The following PTPRD variants were observed in gnomAD, a reference collection of about 807,000 sequenced individuals.
PTPRD encodes the protein protein tyrosine phosphatase receptor type D.
In PTPRD, 34 loss-of-function variants were observed where a neutral mutation model predicts 214.5. The observed-to-expected ratio is 0.16, with a 90% CI of 0.12 to 0.21. The LOEUF (loss-of-function observed/expected upper bound fraction) is 0.21. Among genes scored for constraint, PTPRD ranks in the 10% least tolerant of loss-of-function variants. The probability of loss-of-function intolerance (pLI) is 1.00; values close to 1 mark genes in which losing one functional copy is unlikely to be tolerated. For missense variants in PTPRD, 2,545 were observed against 2,398.7 expected (o/e 1.06, Z -1.27); for synonymous variants, 1,128 against 845.7 (o/e 1.33, Z -5.79).
intron 3 of PTPRD, among the ~76,000 whole-genome samples, chr9:10,210,811 ATATATATATATGTATGTATGTATG>A (rs2099513086): frequency 1.0e-5 from 1 of 99,320 alleles, no homozygotes. Context: ...ATATATATAT[ATATATATATATGTATGTATGTATG>A]TATGTATAAT....
rs368819833 is a variant in PTPRD, at chr9:8,999,452, T to G, written c.-104+19245A>C. On this transcript the variant is annotated intron_variant, in intron 11 of 45. Coordinates refer to ENST00000381196, the MANE Select transcript of PTPRD (RefSeq NM_002839.4). ...AGCATATTTTAGCAATAAACTATTT[T>G]TAATTAAGATATGTACATTGTTTTT... Among the ~76,000 whole-genome samples, 9 of 152,204 alleles carry G rather than the reference T, an allele frequency of 5.9e-5. No homozygotes were observed. The East Asian group carries it at 1.7e-3, about 30-fold the overall frequency.
At chr9:10,300,845 A>C (rs1477997544) in intron 3 of PTPRD, among the ~76,000 whole-genome samples, 5 of 152,134 alleles carry the variant, frequency 3.3e-5, no homozygotes, top group African/African-American at 4.8e-5. Context: ...CAGCTTCAGC[A>C]GACTTAAACA....
chr9:8,433,781 T>A (rs1332478440), intron 35 of PTPRD, among the ~76,000 whole-genome samples: 1 of 152,178 alleles, frequency 6.6e-6, no homozygotes, highest in African/African-American at 2.4e-5. Flanking sequence ...TACAGTAAGC[T>A]AAGGTTAATC....
intron 11 of PTPRD, among the ~76,000 whole-genome samples, chr9:8,924,475 A>G (rs2098850995): frequency 1.3e-5 from 2 of 152,162 alleles, no homozygotes; most frequent in African/African-American, 4.8e-5. Context: ...AATTTGCGGA[A>G]TTTAGAGTTT....
intron 6 of PTPRD, among the ~76,000 whole-genome samples, chr9:9,741,778 C>G (rs943070584): frequency 6.6e-6 from 1 of 152,200 alleles, no homozygotes; most frequent in Non-Finnish European, 1.5e-5. Flanking sequence ...CTGCAAATGA[C>G]ATGAACTCAT....
At chr9:9,384,068 T>C (rs1377584023) in intron 9 of PTPRD, among the ~76,000 whole-genome samples, 1 of 151,752 alleles carries the variant, frequency 6.6e-6, no homozygotes, top group Non-Finnish European at 1.5e-5. Flanking sequence ...CTATTACTAA[T>C]TATATTGAAT....
intron 33 of PTPRD, among the ~76,000 whole-genome samples, chr9:8,451,166 C>T (rs1460915443): frequency 1.3e-5 from 2 of 152,260 alleles, no homozygotes; most frequent in African/African-American, 2.4e-5. Flanking sequence ...ACAAAGGGGA[C>T]GTGCACATGA....
chr9:8,381,028 TA>T (rs1353120636), intron 37 of PTPRD, among the ~76,000 whole-genome samples: 10 of 152,138 alleles, frequency 6.6e-5, no homozygotes, highest in Non-Finnish European at 2.9e-5. Context: ...ATCCAAAACG[TA>T]TTTGCCACGA....
At chr9:10,191,712 T>C (rs2099364360) in intron 3 of PTPRD, among the ~76,000 whole-genome samples, 2 of 152,314 alleles carry the variant, frequency 1.3e-5, no homozygotes, top group East Asian at 3.9e-4. Context: ...TGATAATCTT[T>C]CTATGATTTC....
intron 8 of PTPRD, among the ~76,000 whole-genome samples, chr9:9,453,148 C>T (rs2092494372): frequency 6.6e-6 from 1 of 151,262 alleles, no homozygotes; most frequent in African/African-American, 2.4e-5. Flanking sequence ...TCAACGCCCC[C>T]CCACACAATG....
At chr9:9,383,071 G>C (rs1282806819) in intron 9 of PTPRD, among the ~76,000 whole-genome samples, 1 of 151,956 alleles carries the variant, frequency 6.6e-6, no homozygotes, top group East Asian at 1.9e-4. Flanking sequence ...ACCAGACTGT[G>C]TTTCTATATT....
intron 7 of PTPRD, among the ~76,000 whole-genome samples, chr9:9,601,138 TG>T (rs1456412049): frequency 1.3e-4 from 16 of 121,180 alleles, no homozygotes; most frequent in East Asian, 4.5e-4. Flanking sequence ...TGTGTGTGTG[TG>T]TGTGTGTGTG....
intron 3 of PTPRD, among the ~76,000 whole-genome samples, chr9:10,047,907 C>G (rs543725293): frequency 6.6e-6 from 1 of 152,250 alleles, no homozygotes; most frequent in African/African-American, 2.4e-5. Context: ...GCTCCTCTCA[C>G]TACCCACCTT....
At chr9:10,573,712 A>G (rs2068214327) in intron 2 of PTPRD, among the ~76,000 whole-genome samples, 1 of 152,156 alleles carries the variant, frequency 6.6e-6, no homozygotes, top group Non-Finnish European at 1.5e-5. Flanking sequence ...AGGAAATAGT[A>G]TTTGTATCTC....
At chr9:10,099,954 G>A (rs746621080) in intron 3 of PTPRD, among the ~76,000 whole-genome samples, 2 of 151,612 alleles carry the variant, frequency 1.3e-5, no homozygotes, top group African/African-American at 4.8e-5. Flanking sequence ...CATTTTAAAG[G>A]ATTTGAAATT....
intron 5 of PTPRD, among the ~76,000 whole-genome samples, chr9:9,923,501 C>G (rs1311064070): frequency 6.6e-6 from 1 of 151,582 alleles, no homozygotes; most frequent in East Asian, 1.9e-4. Context: ...AAATCGATCT[C>G]CAAACGAAAT....
At chr9:10,164,058 T>C (rs1460043982) in intron 3 of PTPRD, among the ~76,000 whole-genome samples, 3 of 151,516 alleles carry the variant, frequency 2.0e-5, no homozygotes, top group African/African-American at 7.2e-5. Flanking sequence ...TAGAAGAATA[T>C]CATCACTATT....
intron 12 of PTPRD, among the ~76,000 whole-genome samples, chr9:8,683,372 GAC>G (rs1251194757): frequency 6.8e-6 from 1 of 146,870 alleles, no homozygotes; most frequent in Non-Finnish European, 1.5e-5. Context: ...CTTTCATGGA[GAC>G]ACTCCTTTCT....
chr9:9,040,622 T>C (rs989193290), intron 10 of PTPRD, among the ~76,000 whole-genome samples: 1 of 152,178 alleles, frequency 6.6e-6, no homozygotes, highest in Non-Finnish European at 1.5e-5. Flanking sequence ...GTGATTTAAA[T>C]GTTGTACTTT....
Sources: gnomAD v4.1 joint callset for allele counts (sites outside exome capture counted in the v4.1 genomes callset) on GRCh38, gnomAD v4.1.1 for gene constraint, MANE v1.5 for transcripts, NCBI Gene and HGNC (gene_info 2026-07-23, HGNC 2026-07-21) for gene names.